CDH13: variants seen among roughly 807,000 people sequenced by gnomAD.
The protein encoded by CDH13 is cadherin-13.
CDH13 carries 24 observed loss-of-function variants against 63.8 expected under a neutral mutation model. The ratio of observed to expected loss-of-function variants is 0.38; its 90% confidence interval spans 0.27 to 0.53. CDH13 has a LOEUF of 0.53. Among genes scored for constraint, CDH13 ranks in the 20% least tolerant of loss-of-function variants. The probability of loss-of-function intolerance (pLI) is 0.85; values close to 1 mark genes in which losing one functional copy is unlikely to be tolerated. For synonymous variants in CDH13, 503 were observed against 355.3 expected (o/e 1.42, Z -4.67); for missense variants, 1,049 against 903.1 (o/e 1.16, Z -2.07).
intron 5 of CDH13, among the ~76,000 whole-genome samples, chr16:83,331,940 C>G (rs1239716416): frequency 2.0e-5 from 3 of 152,068 alleles, no homozygotes; most frequent in East Asian, 1.9e-4. Context: ...ACACACACAA[C>G]CACACACGCA....
At chr16:83,749,400 G>A (rs144797560) in intron 11 of CDH13, among the ~76,000 whole-genome samples, 25 of 152,244 alleles carry the variant, frequency 1.6e-4, no homozygotes, top group East Asian at 9.7e-4. Context: ...GGTAGGATTC[G>A]GATGAGTGGC....
At chr16:82,752,322 C>T (rs564009106) in intron 1 of CDH13, among the ~76,000 whole-genome samples, 8 of 152,178 alleles carry the variant, frequency 5.3e-5, no homozygotes, top group East Asian at 1.9e-4. Flanking sequence ...GGATAGAGAG[C>T]GGCGTGCAGA....
At chr16:83,142,179 T>TTTTTTTG (rs1567871407) in intron 4 of CDH13, among the ~76,000 whole-genome samples, 1 of 148,338 alleles carries the variant, frequency 6.7e-6, no homozygotes, top group African/African-American at 2.5e-5. Context: ...TTTTTTTTTT[T>TTTTTTTG]GAAATGGAGT....
At chr16:83,178,044 T>C (rs1210610481) in intron 4 of CDH13, among the ~76,000 whole-genome samples, 1 of 151,950 alleles carries the variant, frequency 6.6e-6, no homozygotes, top group Non-Finnish European at 1.5e-5. Context: ...TAGAAAAAAA[T>C]AGTACCAGAA....
intron 6 of CDH13, among the ~76,000 whole-genome samples, chr16:83,448,822 C>T (rs1045169141): frequency 2.0e-5 from 3 of 152,128 alleles, no homozygotes; most frequent in African/African-American, 7.2e-5. Context: ...ACTGGTTCCA[C>T]ACCTCTGAGA....
intron 2 of CDH13, among the ~76,000 whole-genome samples, chr16:82,861,422 C>A (rs1022198882): frequency 2.0e-5 from 3 of 152,148 alleles, no homozygotes; most frequent in Non-Finnish European, 2.9e-5. Flanking sequence ...GTCTCTTTGC[C>A]TGACAGACAT....
intron 2 of CDH13, among the ~76,000 whole-genome samples, chr16:83,017,109 G>C (rs1212626810): frequency 1.3e-5 from 2 of 152,170 alleles, no homozygotes; most frequent in Non-Finnish European, 1.5e-5. Flanking sequence ...AAGAACACTA[G>C]TAACAGCTCT....
intron 11 of CDH13, among the ~76,000 whole-genome samples, chr16:83,750,518 G>A (rs1005654502): frequency 1.3e-5 from 2 of 152,102 alleles, no homozygotes; most frequent in Non-Finnish European, 2.9e-5. Context: ...TACCTTATTT[G>A]GAAGCAGGCT....
At chr16:82,976,586 A>G (rs558630421) in intron 2 of CDH13, among the ~76,000 whole-genome samples, 19 of 152,170 alleles carry the variant, frequency 1.2e-4, no homozygotes, top group Non-Finnish European at 2.5e-4. Context: ...ACAGCCCCAG[A>G]TACCCATTTT....
chr16:82,718,732 T>C (rs2032560110), intron 1 of CDH13, among the ~76,000 whole-genome samples: 1 of 152,012 alleles, frequency 6.6e-6, no homozygotes, highest in Non-Finnish European at 1.5e-5. Flanking sequence ...TTTATAAACA[T>C]CATCAGATCT....
At chr16:83,644,892 C>T (rs1911646990) in intron 8 of CDH13, among the ~76,000 whole-genome samples, 1 of 152,228 alleles carries the variant, frequency 6.6e-6, no homozygotes, top group Admixed American at 6.5e-5. Flanking sequence ...ATGAAGTATG[C>T]TTTGCAGCTG....
chr16:83,126,539 G>T (rs1029408377), intron 4 of CDH13, among the ~76,000 whole-genome samples: 20 of 152,142 alleles, frequency 1.3e-4, no homozygotes, highest in African/African-American at 4.8e-4. Flanking sequence ...GATTAAAGAG[G>T]ACTCTTTCCA....
chr16:82,934,872 G>A (rs552171764), intron 2 of CDH13, among the ~76,000 whole-genome samples: 33 of 152,278 alleles, frequency 2.2e-4, no homozygotes, highest in Non-Finnish European at 2.9e-4. Context: ...CAGCATTTTG[G>A]TCAAAGCCAT....
intron 5 of CDH13, among the ~76,000 whole-genome samples, chr16:83,294,991 C>G (rs185245341): frequency 3.3e-5 from 5 of 152,242 alleles, no homozygotes; most frequent in African/African-American, 1.2e-4. Flanking sequence ...TACTACAAAG[C>G]TGTAACAACC....
At chr16:83,066,413 G>C (rs899303841) in intron 3 of CDH13, among the ~76,000 whole-genome samples, 3 of 152,174 alleles carry the variant, frequency 2.0e-5, no homozygotes, top group Admixed American at 1.3e-4. Flanking sequence ...CTAAACAAAA[G>C]GCAACGAGTT....
chr16:82,911,587 T>C (rs1023923357), intron 2 of CDH13, among the ~76,000 whole-genome samples: 3 of 152,176 alleles, frequency 2.0e-5, no homozygotes, highest in Non-Finnish European at 4.4e-5. Flanking sequence ...TCCTGCAGGA[T>C]AATTGTCAGG....
At chr16:82,793,041 C>T (rs536485611) in intron 1 of CDH13, among the ~76,000 whole-genome samples, 1 of 152,206 alleles carries the variant, frequency 6.6e-6, no homozygotes, top group African/African-American at 2.4e-5. Context: ...CAGCAGTCTG[C>T]CCCTGATGGA....
At chr16:83,496,060 A>G (rs573223765) in intron 7 of CDH13, among the ~76,000 whole-genome samples, 37 of 151,724 alleles carry the variant, frequency 2.4e-4, no homozygotes, top group Non-Finnish European at 4.4e-4. Context: ...GGAAGAATCA[A>G]TATCGTGAAA....
rs539523337 is a variant in CDH13, at chr16:83,705,951, C to T, written c.1538+27490C>T. ...TAGGGCTGGTTGCCTCTTTCAGCCC[C>T]CATTCATGCATAACAAATCACACAC... On this transcript the variant is annotated intron_variant, in intron 10 of 13. Coordinates refer to ENST00000567109, the MANE Select transcript of CDH13 (RefSeq NM_001257.5). Among the ~76,000 whole-genome samples the T allele has an allele frequency of 9.9e-5, 15 of 152,254 alleles. No homozygotes were observed. The South Asian group carries it at 2.9e-3, about 29-fold the overall frequency.
Sources: gnomAD v4.1 joint callset for allele counts (sites outside exome capture counted in the v4.1 genomes callset) on GRCh38, gnomAD v4.1.1 for gene constraint, MANE v1.5 for transcripts, NCBI Gene and HGNC (gene_info 2026-07-23, HGNC 2026-07-21) for gene names.